The following PSD3 variants were observed in gnomAD, a reference collection of about 807,000 sequenced individuals.
The protein encoded by PSD3 is PH and SEC7 domain-containing protein 3.
PSD3 carries 49 observed loss-of-function variants against 105.5 expected under a neutral mutation model. The ratio of observed to expected loss-of-function variants is 0.46; its 90% CI spans 0.37 to 0.59. The LOEUF (loss-of-function observed/expected upper bound fraction) is 0.59. Ranked by LOEUF, PSD3 falls within the 20% of genes least tolerant of loss-of-function variation. The pLI, the probability that PSD3 is intolerant of heterozygous loss-of-function variation, is 0.00. For synonymous variants in PSD3, 557 were observed against 457.8 expected (o/e 1.22, Z -2.77); for missense variants, 1,561 against 1,263.8 (o/e 1.24, Z -3.57).
chr8:18,677,222 G>C (rs1170660180), intron 9 of PSD3, among the ~76,000 whole-genome samples: 1 of 152,156 alleles, frequency 6.6e-6, no homozygotes, highest in Admixed American at 6.5e-5. Context: ...GGGCAGCAGG[G>C]GGTAGCTCTA....
At chr8:18,785,514 T>G (rs1198476241) in intron 8 of PSD3, among the ~76,000 whole-genome samples, 2 of 151,968 alleles carry the variant, frequency 1.3e-5, no homozygotes, top group African/African-American at 4.8e-5. Context: ...TGTGGCTGGT[T>G]GGATACCCTA....
At chr8:19,015,496 G>C (rs533949473), upstream of PSD3, among the ~76,000 whole-genome samples, 5 of 152,262 alleles carry the variant, frequency 3.3e-5, no homozygotes, top group East Asian at 9.6e-4. Context: ...CTTCCTTGAC[G>C]GTTTTGTTGG....
At chr8:18,837,857 A>G (rs1261971520) in intron 4 of PSD3, among the ~76,000 whole-genome samples, 1 of 152,230 alleles carries the variant, frequency 6.6e-6, no homozygotes, top group African/African-American at 2.4e-5. Context: ...CTCCACTTGA[A>G]TTAAGAACAA....
At chr8:19,028,037 T>C (rs948801119) in intron 1 of PSD3, among the ~76,000 whole-genome samples, 1 of 152,204 alleles carries the variant, frequency 6.6e-6, no homozygotes, top group Admixed American at 6.5e-5. Context: ...GCTATGCTAT[T>C]AACACTGTGT....
At chr8:18,789,311 A>G (rs1298462051) in intron 8 of PSD3, among the ~76,000 whole-genome samples, 3 of 152,218 alleles carry the variant, frequency 2.0e-5, no homozygotes, top group Non-Finnish European at 4.4e-5. Context: ...GCAACCGACT[A>G]TAAACACAAA....
chr8:18,661,199 C>CA (rs1809323679), intron 9 of PSD3, among the ~76,000 whole-genome samples: 1 of 152,132 alleles, frequency 6.6e-6, no homozygotes. Context: ...GTTCCTGAAT[C>CA]ATTATGAAAA....
intron 4 of PSD3, among the ~76,000 whole-genome samples, chr8:18,809,691 A>G (rs1007224391): frequency 1.1e-4 from 16 of 152,202 alleles, no homozygotes; most frequent in Non-Finnish European, 2.2e-4. Context: ...AAGAATTCCA[A>G]TAATGGTGTT....
chr8:19,014,811 C>T (rs529476033), upstream of PSD3, among the ~76,000 whole-genome samples: 1 of 152,320 alleles, frequency 6.6e-6, no homozygotes, highest in Admixed American at 6.5e-5. This position sits in a 1 kb window ranked among gnomAD's most constrained non-coding sequence, Gnocchi z 4.9. Flanking sequence ...TGAGATGCAC[C>T]AAGGCCACAT....
Position 18,784,799 on chromosome 8 carries a change from G to T in PSD3, c.2082+14496C>A, listed in dbSNP as rs143497051. On this transcript the variant is annotated intron_variant, in intron 8 of 15. Transcript: ENST00000327040. The stretch of plus-strand genomic sequence containing the variant: ...GGGATGCCCACCTTCCAAGCACATA[G>T]ATGTACTTGCCAACCTCAAAGCTCT... Among the ~76,000 whole-genome samples the T allele has an allele frequency of 5.3e-3, 811 of 152,284 alleles. 8 individuals are homozygous for T. Among genetic ancestry groups the T allele is most frequent in the African/African-American group, 0.019 (792 of 41,562 alleles).
Position 18,933,294 on chromosome 8 carries a change from G to T in PSD3, c.130+2740C>A, listed in dbSNP as rs956581524. Reference sequence around the variant, plus strand: ...CTACTCAAAACCCACGAGTAAGGAAGAACCAAACTCACTCACCAAATAAGG... The same window carrying T: ...CTACTCAAAACCCACGAGTAAGGAATAACCAAACTCACTCACCAAATAAGG... On this transcript the variant is annotated intron_variant, in intron 2 of 15. Transcript: ENST00000327040. 1.3e-5 allele frequency among the ~76,000 whole-genome samples: 2 copies of T among 151,564 alleles called. 1 individual carries two copies. Among genetic ancestry groups the T allele is most frequent in the South Asian group, 4.2e-4 (2 of 4,816 alleles).
intron 1 of PSD3, among the ~76,000 whole-genome samples, chr8:19,076,282 G>A (rs1829461117): frequency 6.6e-6 from 1 of 152,218 alleles, no homozygotes; most frequent in Non-Finnish European, 1.5e-5. Flanking sequence ...AAAGCACAGA[G>A]TAGAGCTGGA....
chr8:18,744,576 T>C (rs118160295), intron 9 of PSD3, among the ~76,000 whole-genome samples: 6,742 of 152,312 alleles, frequency 0.044, 204 homozygotes, highest in Non-Finnish European at 0.071. Flanking sequence ...TACGTTTAAC[T>C]ACCCAGCATC....
At chr8:18,970,308 G>C (rs1337929536) in intron 1 of PSD3, among the ~76,000 whole-genome samples, 1 of 105,050 alleles carries the variant, frequency 9.5e-6, no homozygotes, top group African/African-American at 3.8e-5. Flanking sequence ...CTGGGCGACA[G>C]AGCAAGACTC....
chr8:18,621,742 G>A (rs76091335), intron 11 of PSD3, among the ~76,000 whole-genome samples: 5,132 of 152,192 alleles, frequency 0.034, 84 homozygotes, highest in East Asian at 0.063. Flanking sequence ...CCAAGGGAAG[G>A]GAAAACCTTA....
At chr8:19,034,206 G>A (rs1241312510) in intron 1 of PSD3, among the ~76,000 whole-genome samples, 2 of 152,122 alleles carry the variant, frequency 1.3e-5, no homozygotes, top group African/African-American at 4.8e-5. Flanking sequence ...GTCTACAAGA[G>A]AAAAGTTTGC....
At chr8:18,571,101 T>A (rs947765333) in intron 14 of PSD3, among the ~76,000 whole-genome samples, 36 of 152,210 alleles carry the variant, frequency 2.4e-4, no homozygotes, top group African/African-American at 8.7e-4. Flanking sequence ...CCTCAGGTGA[T>A]CTGCCCACCT....
chr8:18,738,848 A>C (rs1158989725), intron 9 of PSD3, among the ~76,000 whole-genome samples: 1 of 152,134 alleles, frequency 6.6e-6, no homozygotes, highest in Non-Finnish European at 1.5e-5. Context: ...AAACAAAAAA[A>C]ACACCAAGAA....
At chr8:18,885,160 C>G (rs934097162) in intron 2 of PSD3, among the ~76,000 whole-genome samples, 2 of 152,092 alleles carry the variant, frequency 1.3e-5, no homozygotes, top group Non-Finnish European at 2.9e-5. Context: ...AGCCTTTTAC[C>G]TTCTGATCAG....
chr8:19,046,527 C>CTGAG (rs1258792865), intron 1 of PSD3, among the ~76,000 whole-genome samples: 2 of 152,194 alleles, frequency 1.3e-5, no homozygotes, highest in Non-Finnish European at 2.9e-5. Context: ...ATGCATCTGG[C>CTGAG]TGAGGTCAGG....
Sources: gnomAD v4.1 joint callset for allele counts (sites outside exome capture counted in the v4.1 genomes callset) on GRCh38, gnomAD v4.1.1 for gene constraint, Gnocchi (gnomAD v3.1) non-coding constraint, MANE v1.5 for transcripts, NCBI Gene and HGNC (gene_info 2026-07-23, HGNC 2026-07-21) for gene names.